The following NRDC variants were observed in gnomAD, a reference collection of about 807,000 sequenced individuals.
NRDC encodes nardilysin.
NRDC carries 54 observed loss-of-function variants against 147.1 expected under a neutral mutation model. The observed-to-expected ratio is 0.37, with a 90% confidence interval of 0.29 to 0.46. The LOEUF (loss-of-function observed/expected upper bound fraction) is 0.46, where lower values mean the gene tolerates loss of function less well. Among genes scored for constraint, NRDC ranks in the 20% least tolerant of loss-of-function variants. The probability of loss-of-function intolerance (pLI) is 1.00; values close to 1 mark genes in which losing one functional copy is unlikely to be tolerated. For synonymous variants in NRDC, 440 were observed against 482.1 expected (o/e 0.91, Z 1.14); for missense variants, 1,082 against 1,370.6 (o/e 0.79, Z 3.33).
intron 27 of NRDC, among the ~76,000 whole-genome samples, chr1:51,791,370 G>A (rs1218516891): frequency 2.0e-5 from 3 of 152,156 alleles, no homozygotes; most frequent in Non-Finnish European, 4.4e-5. Context: ...AATGACCACA[G>A]GACTTGAATC....
At chr1:51,812,732 C>T (rs1330422532) in intron 14 of NRDC, among the ~76,000 whole-genome samples, 1 of 152,150 alleles carries the variant, frequency 6.6e-6, no homozygotes, top group Non-Finnish European at 1.5e-5. Flanking sequence ...GCAATAAAGA[C>T]AGGCAACCTA....
intron 9 of NRDC, 109 bp from the exon 10 acceptor site, chr1:51,818,244 T>C: frequency 1.4e-6 from 1 of 697,042 alleles, no homozygotes; most frequent in Non-Finnish European, 2.3e-6. Flanking sequence ...CAAGGAAAGG[T>C]TAAGTACAAT....
chr1:51,789,759 C>A (rs750613753), intron 29 of NRDC, 102 bp from the exon 30 acceptor site: 7 of 789,548 alleles, frequency 8.9e-6, no homozygotes, highest in Non-Finnish European at 1.5e-5. Context: ...CATCTGAAGA[C>A]CTCATTTTAT....
At chr1:51,865,994 G>C (rs1198907786) in intron 1 of NRDC, among the ~76,000 whole-genome samples, 1 of 152,014 alleles carries the variant, frequency 6.6e-6, no homozygotes, top group East Asian at 1.9e-4. Flanking sequence ...AGGAGGCAGA[G>C]GTTGCAGTGA....
intron 7 of NRDC, among the ~76,000 whole-genome samples, chr1:51,823,345 T>G (rs867176568): frequency 6.6e-6 from 1 of 152,162 alleles, no homozygotes; most frequent in Non-Finnish European, 1.5e-5. Context: ...ACAGATACAA[T>G]TGCAGCTGAA....
At chr1:51,828,590 A>G (rs1680557136) in intron 4 of NRDC, among the ~76,000 whole-genome samples, 1 of 152,152 alleles carries the variant, frequency 6.6e-6, no homozygotes, top group Non-Finnish European at 1.5e-5. Flanking sequence ...TATACAAATT[A>G]CCACTTATAT....
At chr1:51,813,912 G>A in intron 14 of NRDC, 123 bp downstream of exon 14, 2 of 688,426 alleles carry the variant, frequency 2.9e-6, no homozygotes, top group Non-Finnish European at 5.2e-6. Flanking sequence ...GCCACCTGGA[G>A]ACTCACATGA....
At chr1:51,843,704 A>G (rs1315873668) in intron 1 of NRDC, among the ~76,000 whole-genome samples, 1 of 152,216 alleles carries the variant, frequency 6.6e-6, no homozygotes, top group East Asian at 1.9e-4. Context: ...CCTCCCTTAC[A>G]CAACCCAACA....
intron 1 of NRDC, among the ~76,000 whole-genome samples, chr1:51,847,650 C>T (rs999835543): frequency 2.0e-5 from 3 of 152,332 alleles, no homozygotes; most frequent in Non-Finnish European, 4.4e-5. Context: ...CAGGGGCCAG[C>T]GGCCACTCTG....
Position 51,837,363 on chromosome 1 carries a change from C to T in NRDC, c.631-1151G>A. 4.5e-6 allele frequency: 4 copies of T among 889,484 alleles called. No individual in the cohort carries two copies. In the Middle Eastern group the frequency reaches 9.8e-4, roughly 218 times the overall value. The allele number at this position is 889,484 out of a possible 1,614,324, so 55.1% of individuals were successfully genotyped here. On this transcript the variant is annotated intron_variant, in intron 2 of 30. Transcript: ENST00000352171. ...TGTTTTCAGAAGAACCAAACAGCCTCACTTGATACTATAAACCCCATTTTG... is the reference window on the plus strand; with the variant it reads ...TGTTTTCAGAAGAACCAAACAGCCTTACTTGATACTATAAACCCCATTTTG...
At chr1:51,812,528 C>CA (rs953264966) in intron 14 of NRDC, among the ~76,000 whole-genome samples, 97 of 142,066 alleles carry the variant, frequency 6.8e-4, no homozygotes, top group Non-Finnish European at 9.6e-4. Flanking sequence ...ACCCTATCTC[C>CA]AAAAAAAAAA....
intron 14 of NRDC, among the ~76,000 whole-genome samples, chr1:51,812,717 T>C (rs1679783845): frequency 6.6e-6 from 1 of 152,120 alleles, no homozygotes; most frequent in Admixed American, 6.6e-5. Flanking sequence ...CACATGATTA[T>C]GTGAGCAATA....
chr1:51,792,159 C>G (rs1201355295), intron 25 of NRDC, 61 bp from the exon 26 acceptor site: 2 of 1,603,104 alleles, frequency 1.2e-6, no homozygotes, highest in African/African-American at 2.7e-5. Flanking sequence ...CTCCATTTCT[C>G]TCCCCAGAGT....
intron 21 of NRDC, among the ~76,000 whole-genome samples, 171 bp downstream of exon 21, chr1:51,800,385 G>A (rs770679219): frequency 1.3e-5 from 2 of 152,156 alleles, no homozygotes; most frequent in Non-Finnish European, 2.9e-5. Context: ...AGCTACATAA[G>A]CTGGGTTTAG....
intron 1 of NRDC, among the ~76,000 whole-genome samples, chr1:51,867,848 C>G (rs1010070541): frequency 3.9e-5 from 6 of 152,164 alleles, no homozygotes; most frequent in African/African-American, 1.2e-4. Flanking sequence ...AGTTTTGCTA[C>G]AGTTACCAGA....
At position 51,794,601 on chromosome 1, in the gene NRDC, G is replaced by A; in HGVS notation, c.2646C>T (p.Asn882=). The change falls in exon 24 of 31, where the codon AAC becomes AAT. Residue 882 remains asparagine, a synonymous_variant. Coordinates refer to ENST00000352171, the MANE Select transcript of NRDC (RefSeq NM_001101662.2). The part of the protein sequence containing the change: ...DFLKYVVDKL[N]FKPLEQEMPV... ...GCATCTCCTGCTCCAGAGGCTTGAA[G>A]TTTAGTTTGCTGCAAGAGAATCAGT... is the stretch of plus-strand genomic sequence containing the variant. The A allele has an allele frequency of 6.2e-7, 1 of 1,614,138 alleles. No individual in the cohort carries two copies. The highest frequency in any genetic ancestry group is 1.3e-5 in the African/African-American group (1 of 75,036).
chr1:51,842,242 T>TG (rs557471920), intron 1 of NRDC, among the ~76,000 whole-genome samples: 177 of 151,982 alleles, frequency 1.2e-3, no homozygotes, highest in African/African-American at 4.1e-3. Context: ...TTTTTTTTTT[T>TG]TTGGTTTTTG....
At chr1:51,866,318 G>A (rs1303023242) in intron 1 of NRDC, among the ~76,000 whole-genome samples, 2 of 152,136 alleles carry the variant, frequency 1.3e-5, no homozygotes, top group African/African-American at 4.8e-5. Flanking sequence ...TGGTGTCAAT[G>A]TAAAAAAGCA....
intron 2 of NRDC, chr1:51,836,540 T>C: frequency 1.0e-6 from 1 of 993,312 alleles, no homozygotes; most frequent in South Asian, 1.5e-5. Context: ...CTGAACCAAG[T>C]TTTTTCCCTG....
Sources: gnomAD v4.1 joint callset for allele counts (sites outside exome capture counted in the v4.1 genomes callset) on GRCh38, gnomAD v4.1.1 for gene constraint, MANE v1.5 for transcripts, NCBI Gene and HGNC (gene_info 2026-07-23, HGNC 2026-07-21) for gene names.